Variants in TBC1D19 observed in about 807,000 individuals in gnomAD.
The protein encoded by TBC1D19 is TBC1 domain family, member 19.
In TBC1D19, 60 loss-of-function variants were observed where a neutral mutation model predicts 89.0. The ratio of observed to expected loss-of-function variants is 0.67; its 90% CI spans 0.55 to 0.84. The LOEUF (loss-of-function observed/expected upper bound fraction) is 0.84, where lower values mean the gene tolerates loss of function less well. Ranked by LOEUF, TBC1D19 falls within the 40% of genes least tolerant of loss-of-function variation. The pLI, the probability that TBC1D19 is intolerant of heterozygous loss-of-function variation, is 0.00. For synonymous variants in TBC1D19, 189 were observed against 199.7 expected, an observed-to-expected ratio of 0.95 and a Z score of 0.45; for missense variants, 500 against 610.8, an observed-to-expected ratio of 0.82 and a Z score of 1.91.
In TBC1D19 at chr4:26,645,846, G is replaced by A. The variant is rs1298105017; in HGVS notation, c.480+5659G>A. ...CCCATCAAAAAGTGGGCAAAGGGCCGGGCGCGGTGGCTCACGCCTGTAATC... is the reference window on the plus strand; with the variant it reads ...CCCATCAAAAAGTGGGCAAAGGGCCAGGCGCGGTGGCTCACGCCTGTAATC... On this transcript the variant is annotated intron_variant, in intron 7 of 20. Transcript: ENST00000264866. Among the ~76,000 whole-genome samples the A allele has an allele frequency of 5.3e-5, 8 of 151,640 alleles. No individual in the cohort carries two copies. In the East Asian group the frequency reaches 7.8e-4, roughly 15 times the overall value.
At chr4:26,817,284 C>G in the TBC1D19 span, among the ~76,000 whole-genome samples, 6 of 152,284 alleles carry the variant, frequency 3.9e-5, no homozygotes, top group African/African-American at 1.2e-4. Flanking sequence ...CCCCCTCTCC[C>G]GCACCCCGCC....
At chr4:26,680,019 C>T (rs977716454) in intron 11 of TBC1D19, among the ~76,000 whole-genome samples, 3 of 152,112 alleles carry the variant, frequency 2.0e-5, no homozygotes, top group Non-Finnish European at 2.9e-5. Flanking sequence ...CCATTTTGTT[C>T]TCGTGATAGT....
At chr4:26,810,457 C>G in the TBC1D19 span, among the ~76,000 whole-genome samples, 2 of 152,186 alleles carry the variant, frequency 1.3e-5, no homozygotes. Context: ...GTTTGCAAGA[C>G]CCTGTATGAT....
intron 9 of TBC1D19, among the ~76,000 whole-genome samples, chr4:26,667,632 G>T (rs1711927267): frequency 6.6e-6 from 1 of 152,042 alleles, no homozygotes; most frequent in South Asian, 2.1e-4. Context: ...TTTGAGGATA[G>T]TACAGATAAG....
At chr4:26,735,624 CTAGT>C (rs967028681) in intron 16 of TBC1D19, 137 bp downstream of exon 16, 1 of 728,240 alleles carries the variant, frequency 1.4e-6, no homozygotes, top group Admixed American at 3.9e-5. Context: ...GAAATGCATG[CTAGT>C]TCCCCATAGG....
chr4:26,592,644 A>G (rs1198155795), intron 1 of TBC1D19, among the ~76,000 whole-genome samples: 4 of 152,038 alleles, frequency 2.6e-5, no homozygotes, highest in Non-Finnish European at 5.9e-5. Flanking sequence ...GCAAAGTCTC[A>G]GGATACAAAA....
intron 11 of TBC1D19, among the ~76,000 whole-genome samples, chr4:26,683,313 A>T (rs1465988036): frequency 6.6e-6 from 1 of 152,178 alleles, no homozygotes; most frequent in Non-Finnish European, 1.5e-5. Context: ...TGGGAATAAT[A>T]ATCACTGACC....
intron 19 of TBC1D19, among the ~76,000 whole-genome samples, chr4:26,752,731 C>T (rs940656995): frequency 1.3e-5 from 2 of 152,212 alleles, no homozygotes; most frequent in African/African-American, 4.8e-5. Context: ...CTCACTCCCT[C>T]ACATGGAGTT....
At chr4:26,804,744 T>A in the TBC1D19 span, among the ~76,000 whole-genome samples, 1 of 152,212 alleles carries the variant, frequency 6.6e-6, no homozygotes, top group African/African-American at 2.4e-5. Flanking sequence ...GTCAGTGATT[T>A]GAGCGCTGTG....
chr4:26,724,526 A>G (rs1380697478), intron 15 of TBC1D19, among the ~76,000 whole-genome samples: 1 of 152,184 alleles, frequency 6.6e-6, no homozygotes, highest in African/African-American at 2.4e-5. Context: ...ATTTTTATAA[A>G]GATATTTTTC....
upstream of TBC1D19, chr4:26,583,971 G>A: frequency 1.8e-6 from 1 of 563,520 alleles, no homozygotes; most frequent in Non-Finnish European, 3.2e-6. Context: ...CCCCGCCCCG[G>A]TCTTTTTCCG....
chr4:26,784,220 A>G, the TBC1D19 span, among the ~76,000 whole-genome samples: 1 of 152,182 alleles, frequency 6.6e-6, no homozygotes, highest in Non-Finnish European at 1.5e-5. Flanking sequence ...TGTGCAGGCT[A>G]AGACAAAGGC....
At chr4:26,832,357 T>C in the TBC1D19 span, among the ~76,000 whole-genome samples, 4 of 152,296 alleles carry the variant, frequency 2.6e-5, no homozygotes, top group South Asian at 2.1e-4. Flanking sequence ...GACTCTGGCA[T>C]TGCAAACACA....
At chr4:26,691,959 T>A (rs967197294) in intron 13 of TBC1D19, among the ~76,000 whole-genome samples, 2 of 152,184 alleles carry the variant, frequency 1.3e-5, no homozygotes, top group East Asian at 1.9e-4. Context: ...ACTATTTTTT[T>A]AAAAGTATTT....
intron 1 of TBC1D19, among the ~76,000 whole-genome samples, chr4:26,611,435 A>G (rs941834390): frequency 1.3e-5 from 2 of 151,944 alleles, no homozygotes; most frequent in Admixed American, 1.3e-4. Flanking sequence ...AACTCATGGT[A>G]TAGCTCAACA....
chr4:26,636,994 C>A (rs1049610853), intron 4 of TBC1D19, among the ~76,000 whole-genome samples: 1 of 152,076 alleles, frequency 6.6e-6, no homozygotes, highest in Non-Finnish European at 1.5e-5. Context: ...TATTTGAGGA[C>A]TGAGGCTTTC....
chr4:26,598,621 C>T (rs916793802), intron 1 of TBC1D19, among the ~76,000 whole-genome samples: 4 of 152,154 alleles, frequency 2.6e-5, no homozygotes, highest in African/African-American at 9.7e-5. Context: ...GTCTCTACCT[C>T]CTTACCTCGT....
chr4:26,587,314 A>AT (rs1739475931), intron 1 of TBC1D19, among the ~76,000 whole-genome samples: 1 of 152,156 alleles, frequency 6.6e-6, no homozygotes, highest in Admixed American at 6.5e-5. Flanking sequence ...GCGATGGCTC[A>AT]TGCCTGTAAT....
chr4:26,756,028 A>T lies in TBC1D19; in HGVS notation c.*1081A>T, dbSNP rs911235036. ...AATTTAAGATGCTGATCACTTCACTAAAACTGTAAATCAGTAGATTGATAC... is the reference window on the plus strand; with the variant it reads ...AATTTAAGATGCTGATCACTTCACTTAAACTGTAAATCAGTAGATTGATAC... On this transcript the variant is annotated 3_prime_UTR_variant, in exon 21 of 21. Coordinates refer to ENST00000264866, the MANE Select transcript of TBC1D19 (RefSeq NM_018317.4). Among the ~76,000 whole-genome samples, 3 of 152,252 alleles carry T rather than the reference A, an allele frequency of 2.0e-5. No individual in the cohort carries two copies. The highest frequency in any genetic ancestry group is 7.2e-5 in the African/African-American group (3 of 41,464).
Sources: allele counts gnomAD v4.1 joint callset (sites outside exome capture counted in the v4.1 genomes callset), GRCh38; gene constraint gnomAD v4.1.1; transcripts MANE v1.5; gene names NCBI Gene and HGNC (gene_info 2026-07-23, HGNC 2026-07-21).